Variants in GRID2 observed in about 807,000 individuals in gnomAD.
The protein encoded by GRID2 is glutamate ionotropic receptor delta type subunit 2.
In GRID2, 33 loss-of-function variants were observed where a neutral mutation model predicts 114.8. The observed-to-expected ratio is 0.29, with a 90% CI of 0.22 to 0.38. The LOEUF (loss-of-function observed/expected upper bound fraction) is 0.38, where lower values mean the gene tolerates loss of function less well. GRID2 is among the 10% of genes least tolerant of loss of function. The probability of loss-of-function intolerance (pLI) is 1.00; values close to 1 mark genes in which losing one functional copy is unlikely to be tolerated. For missense variants in GRID2, 1,184 were observed against 1,257.7 expected, an observed-to-expected ratio of 0.94 and a Z score of 0.89; for synonymous variants, 505 against 449.9, an observed-to-expected ratio of 1.12 and a Z score of -1.55.
chr4:92,821,069 T>C (rs1257289598), intron 2 of GRID2, among the ~76,000 whole-genome samples: 1 of 152,150 alleles, frequency 6.6e-6, no homozygotes, highest in African/African-American at 2.4e-5. Context: ...AATTGATACA[T>C]TTAAATAACC....
intron 3 of GRID2, among the ~76,000 whole-genome samples, chr4:93,099,165 T>C (rs889210349): frequency 1.3e-5 from 2 of 151,868 alleles, no homozygotes; most frequent in Admixed American, 1.3e-4. Flanking sequence ...GATGACTCTT[T>C]GGTAGAAGGG....
chr4:93,285,337 A>G (rs576521222), intron 8 of GRID2, among the ~76,000 whole-genome samples: 1 of 152,218 alleles, frequency 6.6e-6, no homozygotes, highest in South Asian at 2.1e-4. Flanking sequence ...CAAACTATGT[A>G]TAGGTACTTC....
chr4:93,746,193 C>T (rs1233223745), intron 14 of GRID2, among the ~76,000 whole-genome samples: 1 of 152,162 alleles, frequency 6.6e-6, no homozygotes, highest in South Asian at 2.1e-4. Context: ...GGTAGAAAGG[C>T]TAAGTCACTA....
chr4:93,549,397 A>G (rs996017921), intron 13 of GRID2, among the ~76,000 whole-genome samples: 30 of 152,348 alleles, frequency 2.0e-4, no homozygotes, highest in African/African-American at 5.5e-4. Context: ...GAATGAAAAA[A>G]CAGAATCACC....
At chr4:92,771,699 A>G (rs1401626394) in intron 2 of GRID2, among the ~76,000 whole-genome samples, 4 of 152,176 alleles carry the variant, frequency 2.6e-5, no homozygotes, top group Non-Finnish European at 5.9e-5. Flanking sequence ...TAAACAGAAA[A>G]ATATTTTCTA....
At position 93,007,253 on chromosome 4, in the gene GRID2, G is replaced by GA. The variant is rs542912278; in HGVS notation, c.245-77739dup. Among the ~76,000 whole-genome samples the GA allele has an allele frequency of 1.5e-3, 235 of 151,964 alleles. 2 individuals carry two copies. The highest frequency in any genetic ancestry group is 5.3e-3 in the African/African-American group (221 of 41,532). ...GGTTATAACTGAAGAAAGTTTTTTAGAAATAAGGATCTTCAGCCACATGTT... is the reference window on the plus strand; with the variant it reads ...GGTTATAACTGAAGAAAGTTTTTTAGAAAATAAGGATCTTCAGCCACATGTT... On this transcript the variant is annotated intron_variant, in intron 2 of 15. Coordinates refer to ENST00000282020, the MANE Select transcript of GRID2 (RefSeq NM_001510.4).
intron 1 of GRID2, among the ~76,000 whole-genome samples, chr4:92,445,482 T>C (rs982570292): frequency 2.6e-5 from 4 of 152,226 alleles, no homozygotes; most frequent in African/African-American, 7.2e-5. Context: ...TAAACTTTCA[T>C]GTTGTATACA....
At chr4:93,517,902 G>A (rs1729885740) in intron 13 of GRID2, among the ~76,000 whole-genome samples, 1 of 148,324 alleles carries the variant, frequency 6.7e-6, no homozygotes, top group Non-Finnish European at 1.5e-5. Flanking sequence ...ATATATATAT[G>A]TATGTGTGTG....
intron 2 of GRID2, among the ~76,000 whole-genome samples, chr4:92,958,006 T>G (rs780225014): frequency 6.6e-6 from 1 of 152,116 alleles, no homozygotes; most frequent in Non-Finnish European, 1.5e-5. Context: ...CTTTGCATTC[T>G]GCCACACTGC....
At chr4:92,723,335 C>G (rs1381031074) in intron 2 of GRID2, among the ~76,000 whole-genome samples, 1 of 152,128 alleles carries the variant, frequency 6.6e-6, no homozygotes, top group African/African-American at 2.4e-5. Context: ...GCACCAGCCA[C>G]ACTTTAAGAC....
At chr4:93,674,597 T>G (rs958171264) in intron 14 of GRID2, among the ~76,000 whole-genome samples, 4 of 151,878 alleles carry the variant, frequency 2.6e-5, no homozygotes, top group Non-Finnish European at 5.9e-5. Flanking sequence ...ACATTTGACC[T>G]TTTGAGGCAT....
At chr4:92,834,663 A>G (rs1560624827) in intron 2 of GRID2, among the ~76,000 whole-genome samples, 1 of 152,216 alleles carries the variant, frequency 6.6e-6, no homozygotes, top group East Asian at 1.9e-4. Flanking sequence ...TCAATAACTA[A>G]ACACATTATT....
At chr4:93,501,034 A>G (rs1306804838) in intron 12 of GRID2, among the ~76,000 whole-genome samples, 1 of 151,914 alleles carries the variant, frequency 6.6e-6, no homozygotes, top group Admixed American at 6.6e-5. Context: ...TCATCTTTGT[A>G]CCAGTTCAGT....
chr4:92,874,397 C>T (rs1187576661), intron 2 of GRID2, among the ~76,000 whole-genome samples: 1 of 152,026 alleles, frequency 6.6e-6, no homozygotes, highest in Non-Finnish European at 1.5e-5. Context: ...ACTCATTAGC[C>T]TTTAGTTCAT....
intron 14 of GRID2, among the ~76,000 whole-genome samples, chr4:93,728,619 C>A (rs1200287362): frequency 6.6e-6 from 1 of 152,122 alleles, no homozygotes; most frequent in Non-Finnish European, 1.5e-5. Flanking sequence ...GTGTTGGAGT[C>A]TAAGTCTCTT....
intron 2 of GRID2, among the ~76,000 whole-genome samples, chr4:92,982,190 G>A (rs1184602696): frequency 6.6e-6 from 1 of 151,860 alleles, no homozygotes; most frequent in African/African-American, 2.4e-5. Flanking sequence ...GAAGAAAAAA[G>A]GATGCGGCTA....
chr4:92,675,083 T>C (rs1381242637), intron 2 of GRID2, among the ~76,000 whole-genome samples: 1 of 152,224 alleles, frequency 6.6e-6, no homozygotes, highest in East Asian at 1.9e-4. Flanking sequence ...GATTTTGTTC[T>C]GACAAGTAGT....
chr4:93,069,024 A>G (rs1728569372), intron 2 of GRID2, among the ~76,000 whole-genome samples: 1 of 151,858 alleles, frequency 6.6e-6, no homozygotes, highest in African/African-American at 2.4e-5. Context: ...GAGAGGAGGG[A>G]GGTGCTACAC....
At chr4:93,757,236 C>A (rs1401091589) in intron 14 of GRID2, among the ~76,000 whole-genome samples, 2 of 152,090 alleles carry the variant, frequency 1.3e-5, no homozygotes, top group Non-Finnish European at 2.9e-5. Context: ...AGAAAAACAC[C>A]ACTAAATTCA....
Sources: allele counts gnomAD v4.1 joint callset (sites outside exome capture counted in the v4.1 genomes callset), GRCh38; gene constraint gnomAD v4.1.1; transcripts MANE v1.5; gene names NCBI Gene and HGNC (gene_info 2026-07-23, HGNC 2026-07-21).